Variants in LGR6 observed in about 807,000 individuals in gnomAD.
LGR6 encodes the protein leucine rich repeat containing G protein-coupled receptor 6.
Under a neutral mutation model 69.4 loss-of-function variants are expected in LGR6, and 45 were observed. The observed-to-expected ratio is 0.65, with a 90% CI of 0.51 to 0.83. The LOEUF (loss-of-function observed/expected upper bound fraction) is 0.83, where lower values mean the gene tolerates loss of function less well. LGR6 is among the 40% of genes least tolerant of loss of function. The pLI, the probability that LGR6 is intolerant of heterozygous loss-of-function variation, is 0.00. For missense variants in LGR6, 1,108 were observed against 1,246.7 expected (o/e 0.89, Z 1.68); for synonymous variants, 538 against 555.0 (o/e 0.97, Z 0.43).
chr1:202,298,661 A>T (rs1667351626), intron 7 of LGR6: 1 of 152,138 alleles, frequency 6.6e-6, no homozygotes, highest in Admixed American at 6.6e-5. Flanking sequence ...TGCTGGGACT[A>T]CAGGCACGCA....
At chr1:202,307,242 TG>T (rs1653305333) in intron 13 of LGR6, 87 bp from the exon 14 acceptor site, 13 of 1,279,768 alleles carry the variant, frequency 1.0e-5, no homozygotes, top group Non-Finnish European at 1.5e-5. Context: ...GCAGGTCAGA[TG>T]GGGGTATGTG....
intron 4 of LGR6, among the ~76,000 whole-genome samples, chr1:202,253,252 C>CA (rs1440995784): frequency 6.6e-6 from 1 of 151,946 alleles, no homozygotes; most frequent in African/African-American, 2.4e-5. Flanking sequence ...TATAGGAAGA[C>CA]TTAGCACAAT....
intron 10 of LGR6, among the ~76,000 whole-genome samples, chr1:202,304,086 C>G (rs1253705826): frequency 6.6e-6 from 1 of 152,218 alleles, no homozygotes; most frequent in East Asian, 1.9e-4. Context: ...TCCCTTCTAT[C>G]CCATCTCTTC....
chr1:202,240,846 C>G (rs1434810948), intron 4 of LGR6, among the ~76,000 whole-genome samples: 1 of 152,170 alleles, frequency 6.6e-6, no homozygotes, highest in African/African-American at 2.4e-5. Context: ...TACCTCTGAC[C>G]TTCCTCCAAG....
At chr1:202,305,108 G>C (rs1377900975) in intron 11 of LGR6, among the ~76,000 whole-genome samples, 7 of 152,114 alleles carry the variant, frequency 4.6e-5, no homozygotes. Context: ...GCTCAAGATG[G>C]GTGGACCAAC....
chr1:202,262,969 T>C (rs1664354109), intron 4 of LGR6, among the ~76,000 whole-genome samples: 1 of 151,786 alleles, frequency 6.6e-6, no homozygotes, highest in Admixed American at 6.6e-5. Flanking sequence ...TATTTTATTT[T>C]ATTTTATTTT....
intron 1 of LGR6, among the ~76,000 whole-genome samples, chr1:202,217,568 C>T (rs565671118): frequency 5.3e-5 from 8 of 152,284 alleles, no homozygotes; most frequent in South Asian, 2.1e-4. Context: ...CACCTTCGGG[C>T]GACACTGTGG....
Position 202,318,685 on chromosome 1 carries a change from T to C in LGR6, c.2382T>C (p.Phe794=), listed in dbSNP as rs788793. The C allele has an allele frequency of 0.62, 1,000,818 of 1,613,294 alleles. 315,047 individuals are homozygous for C. The highest frequency in any genetic ancestry group is 0.75 in the Admixed American group (44,775 of 60,016). ...ACTGTCCCGTGGCCTTCCTCAGCTT[T>C]GCCTCCATGCTGGGCCTCTTCCCTG... ...LLYCPVAFLS[F]ASMLGLFPVT... Residue 794 remains phenylalanine, a synonymous_variant, in exon 18 of 18, where the codon TTT becomes TTC. Coordinates refer to ENST00000367278, the MANE Select transcript of LGR6 (RefSeq NM_001017403.2).
chr1:202,260,369 T>C (rs1327902693), intron 4 of LGR6, among the ~76,000 whole-genome samples: 2 of 152,068 alleles, frequency 1.3e-5, no homozygotes, highest in Non-Finnish European at 2.9e-5. Context: ...AGTCTCGCTC[T>C]GTCGCCCAGG....
intron 7 of LGR6, among the ~76,000 whole-genome samples, chr1:202,300,007 G>A (rs1052196222): frequency 2.6e-5 from 4 of 152,066 alleles, no homozygotes; most frequent in African/African-American, 7.2e-5. Flanking sequence ...GTCATTCAGC[G>A]GCCCATTCCG....
chr1:202,301,085 G>C (rs1667552089), intron 8 of LGR6, 79 bp from the exon 9 acceptor site: 7 of 1,428,158 alleles, frequency 4.9e-6, no homozygotes, highest in Non-Finnish European at 5.9e-6. Context: ...ATTGATAGGA[G>C]AAGAAAGCAG....
intron 12 of LGR6, 76 bp downstream of exon 12, chr1:202,305,825 G>A: frequency 1.7e-6 from 2 of 1,177,128 alleles, no homozygotes; most frequent in Non-Finnish European, 2.6e-6. Flanking sequence ...GTGTGATGGG[G>A]GGCATCAGTA....
chr1:202,205,439 C>T (rs928344669), intron 1 of LGR6, among the ~76,000 whole-genome samples: 13 of 114,728 alleles, frequency 1.1e-4, no homozygotes, highest in African/African-American at 2.0e-4. Context: ...ACACACACCT[C>T]CTTCAAACAC....
chr1:202,301,060 C>A (rs1355672796), intron 8 of LGR6, 104 bp from the exon 9 acceptor site: 2 of 1,362,242 alleles, frequency 1.5e-6, no homozygotes, highest in Middle Eastern at 1.8e-4. Flanking sequence ...CCTGCATGTT[C>A]TTTCCTGGGT....
intron 3 of LGR6, among the ~76,000 whole-genome samples, chr1:202,229,473 T>A (rs1022988235): frequency 6.6e-6 from 1 of 152,198 alleles, no homozygotes; most frequent in East Asian, 1.9e-4. Flanking sequence ...AGTGGCAGGC[T>A]CAGACCTGCA....
chr1:202,306,288 C>T (rs915254589), intron 12 of LGR6, among the ~76,000 whole-genome samples: 8 of 152,330 alleles, frequency 5.3e-5, no homozygotes, highest in East Asian at 1.9e-4. Context: ...GCTGTATTAA[C>T]CCAGCTCCTG....
chr1:202,226,048 T>C (rs1660522851), intron 2 of LGR6, among the ~76,000 whole-genome samples: 1 of 152,200 alleles, frequency 6.6e-6, no homozygotes, highest in Non-Finnish European at 1.5e-5. Context: ...AGACCCTCCC[T>C]TACAGTTAAG....
intron 1 of LGR6, among the ~76,000 whole-genome samples, chr1:202,221,403 G>C (rs1660144389): frequency 6.6e-6 from 1 of 152,078 alleles, no homozygotes; most frequent in Non-Finnish European, 1.5e-5. Context: ...GAAACTCTGA[G>C]AACATTTTCC....
chr1:202,253,811 T>G, intron 4 of LGR6, among the ~76,000 whole-genome samples: 1 of 113,718 alleles, frequency 8.8e-6, no homozygotes, highest in African/African-American at 3.3e-5. Flanking sequence ...TTTTTTTTTT[T>G]TTTTTTTTTT....
Sources: gnomAD v4.1 joint callset for allele counts (sites outside exome capture counted in the v4.1 genomes callset) on GRCh38, gnomAD v4.1.1 for gene constraint, MANE v1.5 for transcripts, NCBI Gene and HGNC (gene_info 2026-07-23, HGNC 2026-07-21) for gene names.